SIK3: variants seen among roughly 807,000 people sequenced by gnomAD.
SIK3 encodes the protein serine/threonine-protein kinase SIK3.
In SIK3, 28 loss-of-function variants were observed where a neutral mutation model predicts 144.2. The ratio of observed to expected loss-of-function variants is 0.19; its 90% CI spans 0.14 to 0.27. The LOEUF (loss-of-function observed/expected upper bound fraction) is 0.27, where lower values mean the gene tolerates loss of function less well. SIK3 is among the 10% of genes least tolerant of loss of function. The pLI, the probability that SIK3 is intolerant of heterozygous loss-of-function variation, is 1.00. For synonymous variants in SIK3, 686 were observed against 676.3 expected, an observed-to-expected ratio of 1.01 and a Z score of -0.22; for missense variants, 1,319 against 1,776.0, an observed-to-expected ratio of 0.74 and a Z score of 4.62.
At chr11:117,074,630 A>G (rs545514480) in intron 1 of SIK3, among the ~76,000 whole-genome samples, 6 of 152,300 alleles carry the variant, frequency 3.9e-5, no homozygotes, top group Admixed American at 1.3e-4. Context: ...AACAGCTTAG[A>G]AACAACTCAA....
chr11:116,863,588 G>A (rs1381171810), intron 16 of SIK3, 80 bp downstream of exon 16: 21 of 1,587,778 alleles, frequency 1.3e-5, no homozygotes, highest in African/African-American at 1.2e-4. Flanking sequence ...AAAGGGGTAC[G>A]TTTACCACCC....
At chr11:116,951,802 T>C (rs1948948970) in intron 3 of SIK3, among the ~76,000 whole-genome samples, 1 of 151,966 alleles carries the variant, frequency 6.6e-6, no homozygotes, top group South Asian at 2.1e-4. Context: ...GGCATGGTGG[T>C]GTATACCTAC....
intron 1 of SIK3, among the ~76,000 whole-genome samples, chr11:117,001,054 T>G (rs1477925558): frequency 1.3e-5 from 2 of 152,246 alleles, no homozygotes; most frequent in African/African-American, 4.8e-5. Flanking sequence ...GGAACTAGAT[T>G]ATAATATCAC....
chr11:116,899,233 T>C (rs1312970301), intron 4 of SIK3, among the ~76,000 whole-genome samples: 1 of 151,978 alleles, frequency 6.6e-6, no homozygotes, highest in Non-Finnish European at 1.5e-5. Context: ...TAGGGAATCC[T>C]TTCCCCATTG....
intron 1 of SIK3, among the ~76,000 whole-genome samples, chr11:117,062,243 T>A (rs900599802): frequency 6.6e-6 from 1 of 152,222 alleles, no homozygotes; most frequent in African/African-American, 2.4e-5. Flanking sequence ...AATAGGCTAA[T>A]ATTTCAGCAG....
rs886114886 is a variant in SIK3 at position 116,894,465 on chromosome 11, T to A, written c.865+1788A>T. ...AAATGTAAGTATTCTTCCCCAGTCATCCCCATCTCAGTTGGCAGTAAAACC... is the reference window on the plus strand; with the variant it reads ...AAATGTAAGTATTCTTCCCCAGTCAACCCCATCTCAGTTGGCAGTAAAACC... On this transcript the variant is annotated intron_variant, in intron 6 of 24. Transcript: ENST00000445177. Among the ~76,000 whole-genome samples the A allele has an allele frequency of 2.6e-5, 4 of 152,318 alleles. 1 individual carries two copies. The South Asian group carries it at 8.3e-4, about 32-fold the overall frequency.
intron 1 of SIK3, among the ~76,000 whole-genome samples, chr11:117,003,270 C>G (rs527523579): frequency 2.0e-4 from 31 of 152,334 alleles, no homozygotes; most frequent in African/African-American, 7.2e-4. Context: ...GTGCCCAACT[C>G]TCACATACTT....
At position 117,013,970 on chromosome 11, in the gene SIK3, TTC is replaced by T. The variant is rs1491238615; in HGVS notation, c.274-56908_274-56907del. On this transcript the variant is annotated intron_variant, in intron 1 of 24. Transcript: ENST00000445177. ...TGTGTGTTTTATTTCTTTTTTTCTT[TTC>T]TTTTTTTTTTTTTTTTTTTTTTGAG... Among the ~76,000 whole-genome samples, 5 of 66,792 alleles carry T rather than the reference TTC, an allele frequency of 7.5e-5. 1 individual carries two copies. Among genetic ancestry groups the T allele is most frequent in the African/African-American group, 3.2e-4 (5 of 15,824 alleles). The allele number at this position is 66,792 out of a possible 152,430, so 43.8% of individuals were successfully genotyped here.
intron 1 of SIK3, among the ~76,000 whole-genome samples, chr11:117,086,789 G>T (rs1955030893): frequency 6.6e-6 from 1 of 151,870 alleles, no homozygotes; most frequent in Admixed American, 6.6e-5. Flanking sequence ...AAAGTCAGGA[G>T]TTGGAGAGCA....
chr11:116,954,320 T>C (rs1949060000), intron 2 of SIK3, among the ~76,000 whole-genome samples: 1 of 152,172 alleles, frequency 6.6e-6, no homozygotes, highest in Non-Finnish European at 1.5e-5. Flanking sequence ...TAGGAAACAT[T>C]TATTGCTTGA....
At position 116,930,602 on chromosome 11, in the gene SIK3, T is replaced by C. The variant is rs563834378; in HGVS notation, c.455-3222A>G. Among the ~76,000 whole-genome samples the C allele has an allele frequency of 2.0e-5, 3 of 152,326 alleles. No individual in the cohort carries two copies. The East Asian group carries it at 5.8e-4, about 29-fold the overall frequency. Reference sequence around the variant, plus strand: ...TCAATACGCAAAGTAAAATGTACGTTGAACCTTGTCAGGATAAACTCCAAT... The same window carrying C: ...TCAATACGCAAAGTAAAATGTACGTCGAACCTTGTCAGGATAAACTCCAAT... On this transcript the variant is annotated intron_variant, in intron 3 of 24. Transcript: ENST00000445177.
At chr11:116,852,792 A>G (rs1942574160) in intron 21 of SIK3, among the ~76,000 whole-genome samples, 1 of 152,226 alleles carries the variant, frequency 6.6e-6, no homozygotes, top group South Asian at 2.1e-4. Context: ...TGACTCAGGG[A>G]AACTTTAATT....
chr11:117,030,900 G>T (rs1003253485), intron 1 of SIK3, among the ~76,000 whole-genome samples: 1 of 152,152 alleles, frequency 6.6e-6, no homozygotes, highest in African/African-American at 2.4e-5. Flanking sequence ...TTCCCTAACG[G>T]CTAATGATGT....
chr11:116,893,245 ACAAACATACC>A (rs534537443), intron 6 of SIK3, among the ~76,000 whole-genome samples: 104 of 152,332 alleles, frequency 6.8e-4, no homozygotes, highest in African/African-American at 2.5e-3. Flanking sequence ...ATTGATTGTA[ACAAACATACC>A]ACTCTGGTGG....
At chr11:116,890,036 C>T (rs1326074947) in intron 6 of SIK3, among the ~76,000 whole-genome samples, 1 of 152,182 alleles carries the variant, frequency 6.6e-6, no homozygotes, top group African/African-American at 2.4e-5. Flanking sequence ...TCGAACAACC[C>T]TATGCATTAA....
chr11:116,875,449 C>T lies in SIK3; in HGVS notation c.1242G>A (p.Ala414=), dbSNP rs771692076. The T allele has an allele frequency of 8.7e-6, 14 of 1,613,946 alleles. No homozygotes were observed. The highest frequency in any genetic ancestry group is 5.3e-5 in the African/African-American group (4 of 74,912). ...TGTTCATAGCAGTACCTGCCTGCTC[C>T]GCCTGGAAAGCAGTACATACATATA... ...LAFQAPVNIQ[A]EQAGTAMNIS... The change falls in exon 10 of 25, where the codon GCG becomes GCA. Residue 414 remains alanine, a splice_region_variant and synonymous_variant. Coordinates refer to ENST00000445177, the MANE Select transcript of SIK3 (RefSeq NM_001366686.3).
rs754624841 is a variant in SIK3 at position 117,023,621 on chromosome 11, A to AAAT, written c.274-66558_274-66557insATT. On this transcript the variant is annotated intron_variant, in intron 1 of 24. Transcript: ENST00000445177. The stretch of plus-strand genomic sequence containing the variant: ...ACAAACAAACAAACAAAAAAAAAAA[A>AAAT]ATATATATATATATATATATATATT... Among the ~76,000 whole-genome samples, 71 of 95,390 alleles carry AAAT rather than the reference A, an allele frequency of 7.4e-4. 1 individual carries two copies. Among genetic ancestry groups the AAAT allele is most frequent in the African/African-American group, 1.7e-3 (39 of 23,026 alleles). 62.6% of individuals were successfully genotyped at this position (95,390 alleles called of 152,430 possible).
At chr11:117,023,760 T>A (rs1951896683) in intron 1 of SIK3, among the ~76,000 whole-genome samples, 1 of 151,490 alleles carries the variant, frequency 6.6e-6, no homozygotes, top group Admixed American at 6.6e-5. Context: ...CACTGCAACC[T>A]CCGCCTCTAG....
intron 1 of SIK3, among the ~76,000 whole-genome samples, chr11:117,026,072 G>T (rs936099246): frequency 1.3e-5 from 2 of 152,126 alleles, no homozygotes; most frequent in African/African-American, 2.4e-5. Context: ...AGCCAAAAGG[G>T]GGAAATGTAG....
Sources: allele counts gnomAD v4.1 joint callset (sites outside exome capture counted in the v4.1 genomes callset), GRCh38; gene constraint gnomAD v4.1.1; transcripts MANE v1.5; gene names NCBI Gene and HGNC (gene_info 2026-07-23, HGNC 2026-07-21).